The following INPP4B variants were observed in gnomAD, a reference collection of about 807,000 sequenced individuals.
INPP4B encodes the protein inositol polyphosphate 4-phosphatase type II.
In INPP4B, 55 loss-of-function variants were observed where a neutral mutation model predicts 122.5. The observed-to-expected ratio is 0.45, with a 90% confidence interval of 0.36 to 0.56. The LOEUF is 0.56. INPP4B is among the 20% of genes least tolerant of loss of function. The probability of loss-of-function intolerance (pLI) is 0.00; values close to 1 mark genes in which losing one functional copy is unlikely to be tolerated. For missense variants in INPP4B, 1,000 were observed against 1,097.7 expected (o/e 0.91, Z 1.26); for synonymous variants, 403 against 388.7 (o/e 1.04, Z -0.43).
rs987400223 is a variant in INPP4B, at chr4:142,168,521, T to C, written c.1359+5111A>G. ...GTTTTCAAACCTTGTTAGGGTAGACTAAGAGCAGCCTCTAATCTAAGACTA... is the reference window on the plus strand; with the variant it reads ...GTTTTCAAACCTTGTTAGGGTAGACCAAGAGCAGCCTCTAATCTAAGACTA... On this transcript the variant is annotated intron_variant, in intron 16 of 25. Transcript: ENST00000262992. Among the ~76,000 whole-genome samples the C allele has an allele frequency of 2.0e-5, 3 of 151,742 alleles. No homozygotes were observed. In the South Asian group the frequency reaches 6.2e-4, roughly 31 times the overall value.
chr4:142,402,021 A>C (rs2149145577), intron 7 of INPP4B, among the ~76,000 whole-genome samples: 1 of 152,342 alleles, frequency 6.6e-6, no homozygotes, highest in Non-Finnish European at 1.5e-5. Flanking sequence ...GCAAAACAGA[A>C]ATGCCGAAGT....
intron 2 of INPP4B, among the ~76,000 whole-genome samples, chr4:142,637,425 G>T (rs762836137): frequency 3.3e-5 from 5 of 152,000 alleles, no homozygotes; most frequent in Non-Finnish European, 5.9e-5. Flanking sequence ...TTTCCAGAAT[G>T]CCCGATATTT....
At chr4:142,044,916 G>A (rs1198641985) in intron 25 of INPP4B, among the ~76,000 whole-genome samples, 2 of 152,090 alleles carry the variant, frequency 1.3e-5, no homozygotes, top group African/African-American at 4.8e-5. Context: ...AAGGTGTTTA[G>A]GAACAGGATG....
At chr4:142,183,837 C>A (rs2645821) in intron 15 of INPP4B, among the ~76,000 whole-genome samples, 151,309 of 152,290 alleles carry the variant, frequency 0.99, 75,174 homozygotes, top group East Asian at 1. Flanking sequence ...AATAAACAGA[C>A]AAAATGTATT....
chr4:142,388,753 C>A (rs1165797935), intron 7 of INPP4B, among the ~76,000 whole-genome samples: 1 of 152,114 alleles, frequency 6.6e-6, no homozygotes, highest in East Asian at 1.9e-4. Context: ...GGCTGATTGG[C>A]TTTGGGCTGC....
At chr4:142,428,094 C>CA (rs1012711438) in intron 5 of INPP4B, among the ~76,000 whole-genome samples, 41 of 151,100 alleles carry the variant, frequency 2.7e-4, no homozygotes, top group African/African-American at 9.7e-4. Flanking sequence ...AAATAATGTT[C>CA]AAAAAATGAA....
At chr4:142,294,829 CAAA>C (rs57430432) in intron 9 of INPP4B, among the ~76,000 whole-genome samples, 77 of 28,476 alleles carry the variant, frequency 2.7e-3, no homozygotes, top group East Asian at 0.011. Context: ...GACTCCGTCT[CAAA>C]AAAAAAAAAA....
intron 1 of INPP4B, among the ~76,000 whole-genome samples, chr4:142,760,360 A>C (rs1771152895): frequency 6.6e-6 from 1 of 152,156 alleles, no homozygotes; most frequent in African/African-American, 2.4e-5. Context: ...GAGGAAACTA[A>C]AATCAGAGAT....
chr4:142,397,955 C>A (rs1799896218), intron 7 of INPP4B, among the ~76,000 whole-genome samples: 1 of 152,002 alleles, frequency 6.6e-6, no homozygotes, highest in African/African-American at 2.4e-5. Context: ...ATATATGTAC[C>A]ATAACATAGC....
chr4:142,680,849 T>C (rs753294994), intron 2 of INPP4B, among the ~76,000 whole-genome samples: 41 of 151,864 alleles, frequency 2.7e-4, no homozygotes, highest in Non-Finnish European at 5.4e-4. Flanking sequence ...TAGGTGGCCA[T>C]AGTTCACTTC....
chr4:142,299,156 CTT>C (rs1010706761), intron 9 of INPP4B, among the ~76,000 whole-genome samples: 8 of 104,676 alleles, frequency 7.6e-5, no homozygotes, highest in Admixed American at 1.8e-4. Flanking sequence ...TTCTTTCTTT[CTT>C]TTTTTTTTTT....
chr4:142,048,394 C>G (rs1752697488), intron 25 of INPP4B, among the ~76,000 whole-genome samples: 1 of 152,044 alleles, frequency 6.6e-6, no homozygotes, highest in South Asian at 2.1e-4. Context: ...TGAACCTAAA[C>G]AGTTATCAGA....
At chr4:142,554,248 G>C (rs1192625408) in intron 2 of INPP4B, among the ~76,000 whole-genome samples, 1 of 146,102 alleles carries the variant, frequency 6.8e-6, no homozygotes, top group Non-Finnish European at 1.5e-5. Context: ...TTCCACTCCA[G>C]ATCCACCATC....
In INPP4B at chr4:142,410,865, T is replaced by C. The variant is rs201557326; in HGVS notation, c.137-5541A>G. The stretch of plus-strand genomic sequence containing the variant: ...CACAAAAAATGGATTTTATCTATCC[T>C]ATATTTTTATACTAATCATATGCTC... On this transcript the variant is annotated intron_variant, in intron 5 of 25. Coordinates refer to ENST00000262992, the MANE Select transcript of INPP4B (RefSeq NM_001101669.3). Among the ~76,000 whole-genome samples the C allele has an allele frequency of 2.0e-4, 30 of 152,358 alleles. No homozygotes were observed. The East Asian group carries it at 2.9e-3, about 15-fold the overall frequency.
intron 25 of INPP4B, among the ~76,000 whole-genome samples, chr4:142,066,585 G>A (rs776509492): frequency 5.9e-5 from 9 of 152,208 alleles, no homozygotes; most frequent in Non-Finnish European, 1.2e-4. Context: ...AAAGGAAGCC[G>A]TGACAGAAGG....
intron 2 of INPP4B, among the ~76,000 whole-genome samples, chr4:142,524,731 C>T (rs566674243): frequency 2.5e-3 from 375 of 152,198 alleles, no homozygotes; most frequent in Non-Finnish European, 3.7e-3. Context: ...ATTGACGGGA[C>T]GTATTTCAAA....
chr4:142,462,387 A>T lies in INPP4B; in HGVS notation c.-127+276T>A, dbSNP rs371114750. On this transcript the variant is annotated intron_variant, in intron 3 of 25. Coordinates refer to ENST00000262992, the MANE Select transcript of INPP4B (RefSeq NM_001101669.3). ...GTTTCCCAAATAAAGCATATGCATT[A>T]ATTTAATAATAAGTAATAATATTAA... is the stretch of plus-strand genomic sequence containing the variant. Among the ~76,000 whole-genome samples, 5 of 152,202 alleles carry T rather than the reference A, an allele frequency of 3.3e-5. No individual in the cohort carries two copies. The East Asian group carries it at 5.8e-4, about 18-fold the overall frequency.
At chr4:142,722,746 G>A (rs1038737287) in intron 2 of INPP4B, among the ~76,000 whole-genome samples, 8 of 152,086 alleles carry the variant, frequency 5.3e-5, no homozygotes, top group African/African-American at 1.9e-4. Flanking sequence ...ATATGTTTTT[G>A]TAAAGCATTG....
chr4:142,457,644 C>T (rs1815742998), intron 3 of INPP4B, among the ~76,000 whole-genome samples: 1 of 152,184 alleles, frequency 6.6e-6, no homozygotes, highest in Non-Finnish European at 1.5e-5. Flanking sequence ...ACTGACAATA[C>T]CAATCTCTGG....
Sources: gnomAD v4.1 joint callset for allele counts (sites outside exome capture counted in the v4.1 genomes callset) on GRCh38, gnomAD v4.1.1 for gene constraint, MANE v1.5 for transcripts, NCBI Gene and HGNC (gene_info 2026-07-23, HGNC 2026-07-21) for gene names.